The following NKAIN3 variants were observed in gnomAD, a reference collection of about 807,000 sequenced individuals.
The protein encoded by NKAIN3 is sodium/potassium-transporting ATPase subunit beta-1-interacting protein 3.
Under a neutral mutation model 30.2 loss-of-function variants are expected in NKAIN3, and 25 were observed. The ratio of observed to expected loss-of-function variants is 0.83; its 90% CI spans 0.60 to 1.16. The LOEUF is 1.16. Ranked by LOEUF, NKAIN3 falls within the 50% of genes most tolerant of loss-of-function variation. The pLI is 0.00. For synonymous variants in NKAIN3, 91 were observed against 89.6 expected, an observed-to-expected ratio of 1.02 and a Z score of -0.09; for missense variants, 225 against 254.1, an observed-to-expected ratio of 0.89 and a Z score of 0.78.
chr8:62,474,960 T>A (rs1277210403), intron 1 of NKAIN3, among the ~76,000 whole-genome samples: 1 of 152,188 alleles, frequency 6.6e-6, no homozygotes, highest in African/African-American at 2.4e-5. Flanking sequence ...AGGTAGATCA[T>A]GATAAGTTAA....
intron 1 of NKAIN3, among the ~76,000 whole-genome samples, chr8:62,509,000 G>A (rs996384675): frequency 6.7e-6 from 1 of 149,320 alleles, no homozygotes; most frequent in Non-Finnish European, 1.5e-5. Context: ...AGTATGCATG[G>A]CTCTGTATAT....
Position 62,787,126 on chromosome 8 carries a change from A to G in NKAIN3, c.471+39997A>G, listed in dbSNP as rs371752974. On this transcript the variant is annotated intron_variant, in intron 4 of 6. Transcript: ENST00000623646. ...GTATCTGTGTACATTACATAATTTT[A>G]ATCATTCATTGTGGCTTGAGGGAAA... Among the ~76,000 whole-genome samples, 20 of 152,276 alleles carry G rather than the reference A, an allele frequency of 1.3e-4. No individual in the cohort carries two copies. In the East Asian group the frequency reaches 2.9e-3, roughly 22 times the overall value.
intron 3 of NKAIN3, among the ~76,000 whole-genome samples, chr8:62,691,391 C>T (rs982165367): frequency 2.0e-5 from 3 of 151,746 alleles, no homozygotes; most frequent in Admixed American, 6.6e-5. Flanking sequence ...ACAAGCAGAG[C>T]GGGGGATGTT....
intron 1 of NKAIN3, among the ~76,000 whole-genome samples, chr8:62,423,741 C>T (rs1457419118): frequency 1.3e-5 from 2 of 151,990 alleles, no homozygotes; most frequent in Non-Finnish European, 2.9e-5. Context: ...ATGGCCCCTT[C>T]TCTAAAGGGG....
intron 3 of NKAIN3, among the ~76,000 whole-genome samples, chr8:62,717,204 C>A (rs1401873173): frequency 2.0e-5 from 3 of 152,096 alleles, no homozygotes; most frequent in Non-Finnish European, 4.4e-5. Flanking sequence ...CATGTGGCTT[C>A]TATTGCTGAG....
chr8:62,832,801 A>T (rs1331517528), intron 4 of NKAIN3, among the ~76,000 whole-genome samples: 1 of 152,094 alleles, frequency 6.6e-6, no homozygotes, highest in African/African-American at 2.4e-5. Context: ...GATAACTGGC[A>T]AAGATATTCT....
intron 1 of NKAIN3, among the ~76,000 whole-genome samples, chr8:62,334,998 C>T (rs1446653363): frequency 1.3e-5 from 2 of 152,162 alleles, no homozygotes; most frequent in East Asian, 1.9e-4. Flanking sequence ...GGCCCCCAAA[C>T]TGGCACAGCA....
intron 5 of NKAIN3, among the ~76,000 whole-genome samples, chr8:62,943,806 A>T (rs1296244263): frequency 6.7e-6 from 1 of 148,648 alleles, no homozygotes; most frequent in African/African-American, 2.4e-5. Context: ...TATATGGTAT[A>T]TAAATATATA....
rs142553589 is a variant in NKAIN3 at position 62,563,902 on chromosome 8, C to T, written c.55-15637C>T. 8.5e-5 allele frequency among the ~76,000 whole-genome samples: 13 copies of T among 152,276 alleles called. No individual in the cohort carries two copies. In the East Asian group the frequency reaches 2.5e-3, roughly 29 times the overall value. On this transcript the variant is annotated intron_variant, in intron 1 of 6. Coordinates refer to ENST00000623646, the MANE Select transcript of NKAIN3 (RefSeq NM_001304533.3). ...GAGCTTCCAAACCTAGTATTGAGCT[C>T]TGCAGGGAATTTCAAAACTCCTTGC...
At position 62,451,566 on chromosome 8, in the gene NKAIN3, G is replaced by A. The variant is rs535647758; in HGVS notation, c.55-127973G>A. On this transcript the variant is annotated intron_variant, in intron 1 of 6. Transcript: ENST00000623646. Reference sequence around the variant, plus strand: ...CATGCTCTTTGCTGGGCCTGTAATGGTAGCATCTATGCTAAAAACTAGCAT... The same window carrying A: ...CATGCTCTTTGCTGGGCCTGTAATGATAGCATCTATGCTAAAAACTAGCAT... Among the ~76,000 whole-genome samples, 4 of 152,192 alleles carry A rather than the reference G, an allele frequency of 2.6e-5. No homozygotes were observed. In the South Asian group the frequency reaches 8.3e-4, roughly 32 times the overall value.
At chr8:62,921,642 G>T (rs185273789) in intron 5 of NKAIN3, among the ~76,000 whole-genome samples, 2 of 152,032 alleles carry the variant, frequency 1.3e-5, no homozygotes, top group Admixed American at 1.3e-4. Flanking sequence ...AGAGCTTCTC[G>T]TCATTCATTC....
chr8:62,362,014 T>G (rs939146632), intron 1 of NKAIN3, among the ~76,000 whole-genome samples: 1 of 152,230 alleles, frequency 6.6e-6, no homozygotes, highest in African/African-American at 2.4e-5. Context: ...CCTCTCTGGC[T>G]GCCTTCATAA....
At chr8:62,828,386 C>CA (rs1322881650) in intron 4 of NKAIN3, among the ~76,000 whole-genome samples, 9 of 151,332 alleles carry the variant, frequency 5.9e-5, no homozygotes, top group African/African-American at 1.9e-4. Context: ...AAATACATGC[C>CA]AAAAAAGTCC....
At chr8:62,551,249 G>A (rs1809199571) in intron 1 of NKAIN3, among the ~76,000 whole-genome samples, 1 of 152,112 alleles carries the variant, frequency 6.6e-6, no homozygotes, top group African/African-American at 2.4e-5. Flanking sequence ...ACAGCGGGAA[G>A]GAAAGAGTAA....
chr8:62,869,115 A>C (rs1402520897), intron 4 of NKAIN3, among the ~76,000 whole-genome samples: 3 of 152,196 alleles, frequency 2.0e-5, no homozygotes, highest in Non-Finnish European at 4.4e-5. Context: ...TGGAAAAGAA[A>C]TGGTGATTCT....
At chr8:62,990,161 T>C in intron 5 of NKAIN3, 1 of 1,209,984 alleles carries the variant, frequency 8.3e-7, no homozygotes, top group Non-Finnish European at 1.2e-6. Flanking sequence ...TTATTTTTTA[T>C]TCTCAGATTC....
intron 1 of NKAIN3, among the ~76,000 whole-genome samples, chr8:62,312,967 A>T (rs563643046): frequency 1.3e-5 from 2 of 152,106 alleles, no homozygotes; most frequent in Non-Finnish European, 2.9e-5. Flanking sequence ...ATTGTAATAT[A>T]TGTTTCCACC....
chr8:62,960,532 T>A (rs890531757), intron 6 of NKAIN3, among the ~76,000 whole-genome samples: 1 of 151,748 alleles, frequency 6.6e-6, no homozygotes, highest in Non-Finnish European at 1.5e-5. Context: ...ATCAACAACA[T>A]AAAAAAAGTC....
chr8:62,990,276 C>T, intron 5 of NKAIN3: 1 of 1,481,670 alleles, frequency 6.7e-7, no homozygotes, highest in African/African-American at 1.4e-5. Flanking sequence ...ATCAGTCAAG[C>T]CTCATGTGCT....
Sources: allele counts gnomAD v4.1 joint callset (sites outside exome capture counted in the v4.1 genomes callset), GRCh38; gene constraint gnomAD v4.1.1; transcripts MANE v1.5; gene names NCBI Gene and HGNC (gene_info 2026-07-23, HGNC 2026-07-21).